PHF24: variants seen among roughly 807,000 people sequenced by gnomAD.
PHF24 encodes the protein Galpha inhibitory interacting protein.
PHF24 carries 25 observed loss-of-function variants against 42.6 expected under a neutral mutation model. The observed-to-expected ratio is 0.59, with a 90% CI of 0.43 to 0.82. PHF24 has a LOEUF of 0.82. PHF24 is among the 40% of genes least tolerant of loss of function. PHF24 has a pLI of 0.00. For synonymous variants in PHF24, 185 were observed against 204.8 expected, an observed-to-expected ratio of 0.90 and a Z score of 0.83; for missense variants, 470 against 538.1, an observed-to-expected ratio of 0.87 and a Z score of 1.25.
chr9:34,875,986 T>TCA, the PHF24 span, among the ~76,000 whole-genome samples: 1 of 138,976 alleles, frequency 7.2e-6, no homozygotes, highest in African/African-American at 2.7e-5. Context: ...TCTCTCTCTC[T>TCA]CACTCCTTCC....
the PHF24 span, among the ~76,000 whole-genome samples, chr9:34,884,628 A>G: frequency 6.6e-6 from 1 of 152,184 alleles, no homozygotes. Context: ...CCCAAGCCCC[A>G]CAGAGGAGAG....
the PHF24 span, among the ~76,000 whole-genome samples, chr9:34,845,868 C>A: frequency 6.6e-6 from 1 of 150,690 alleles, no homozygotes; most frequent in Admixed American, 6.6e-5. Flanking sequence ...TTTGTTCTTG[C>A]GATAGTTTAC....
At chr9:34,875,733 T>C in the PHF24 span, among the ~76,000 whole-genome samples, 1 of 152,152 alleles carries the variant, frequency 6.6e-6, no homozygotes, top group Non-Finnish European at 1.5e-5. Context: ...AGTTTTACAT[T>C]CTTCCACCAG....
the PHF24 span, among the ~76,000 whole-genome samples, chr9:34,818,141 AT>A: frequency 6.6e-6 from 1 of 152,182 alleles, no homozygotes; most frequent in Non-Finnish European, 1.5e-5. Flanking sequence ...TAGGGGCACT[AT>A]TTGTTCCTTT....
chr9:34,679,507 G>A, the PHF24 span, among the ~76,000 whole-genome samples: 1 of 152,234 alleles, frequency 6.6e-6, no homozygotes, highest in Non-Finnish European at 1.5e-5. Context: ...ACGAGGTCAG[G>A]AGATCGAGAC....
chr9:34,742,062 A>G, the PHF24 span, among the ~76,000 whole-genome samples: 1 of 152,212 alleles, frequency 6.6e-6, no homozygotes, highest in Admixed American at 6.5e-5. Flanking sequence ...TTCCTTTTCC[A>G]TTTAATTTGT....
At chr9:34,828,397 A>G in the PHF24 span, among the ~76,000 whole-genome samples, 2 of 152,078 alleles carry the variant, frequency 1.3e-5, no homozygotes, top group African/African-American at 4.8e-5. Flanking sequence ...TCTCAACTGA[A>G]TCTTTCCCGT....
chr9:34,885,100 C>A, the PHF24 span, among the ~76,000 whole-genome samples: 5 of 152,240 alleles, frequency 3.3e-5, no homozygotes, highest in African/African-American at 1.2e-4. Context: ...CCAACTCCCA[C>A]TAGGCAGGCA....
rs765057463 is a variant in PHF24, at chr9:34,977,618, G to A, written c.1083G>A (p.Leu361=). 3 of 1,603,732 alleles carry A rather than the reference G, an allele frequency of 1.9e-6. No individual in the cohort carries two copies. The South Asian group carries it at 3.4e-5, about 18-fold the overall frequency. The change falls in exon 7 of 8, where the codon CTG becomes CTA. Residue 361 remains leucine, a synonymous_variant. Transcript: ENST00000242315. ...GCAGCAAGAGTCAGGACAAGACCCT[G>A]CTGCCCACAGAGCAGGAGTCCAGGT... is the stretch of plus-strand genomic sequence containing the variant.
chr9:34,829,151 C>T, the PHF24 span, among the ~76,000 whole-genome samples: 39 of 151,862 alleles, frequency 2.6e-4, no homozygotes, highest in Non-Finnish European at 4.4e-4. Flanking sequence ...ACTGATGGAA[C>T]GGATGTGGAC....
chr9:34,878,543 G>A, the PHF24 span, among the ~76,000 whole-genome samples: 6 of 152,282 alleles, frequency 3.9e-5, no homozygotes, highest in East Asian at 3.9e-4. Context: ...AATGGTCTTC[G>A]CAAACGGCAC....
chr9:34,865,382 T>G, the PHF24 span, among the ~76,000 whole-genome samples: 1 of 151,212 alleles, frequency 6.6e-6, no homozygotes, highest in African/African-American at 2.4e-5. Context: ...TGGCCAACAT[T>G]GTGAAACCCT....
chr9:34,969,743 G>A (rs942009831), intron 1 of PHF24, among the ~76,000 whole-genome samples: 1 of 151,998 alleles, frequency 6.6e-6, no homozygotes, highest in African/African-American at 2.4e-5. Flanking sequence ...CTATTTCCAT[G>A]GTAACAGATA....
At chr9:34,827,242 A>G in the PHF24 span, among the ~76,000 whole-genome samples, 1 of 152,022 alleles carries the variant, frequency 6.6e-6, no homozygotes, top group Non-Finnish European at 1.5e-5. Context: ...GCTTCCCTCT[A>G]TTCTCCTAGC....
At chr9:34,888,498 A>G in the PHF24 span, among the ~76,000 whole-genome samples, 1 of 152,220 alleles carries the variant, frequency 6.6e-6, no homozygotes, top group Admixed American at 6.5e-5. Context: ...ATGAAAGGCA[A>G]TGGAGGTTGG....
chr9:34,846,758 T>C, the PHF24 span, among the ~76,000 whole-genome samples: 1 of 152,184 alleles, frequency 6.6e-6, no homozygotes, highest in African/African-American at 2.4e-5. Flanking sequence ...CTTTAATCCA[T>C]CTTGAATTAA....
chr9:34,904,629 T>C, the PHF24 span, among the ~76,000 whole-genome samples: 1 of 151,582 alleles, frequency 6.6e-6, no homozygotes, highest in Admixed American at 6.6e-5. Flanking sequence ...GGTTAGCTAG[T>C]ATTTTGTTAA....
the PHF24 span, among the ~76,000 whole-genome samples, chr9:34,876,704 A>G: frequency 1.3e-5 from 2 of 152,212 alleles, no homozygotes; most frequent in Non-Finnish European, 2.9e-5. Context: ...TGTAGGATGA[A>G]AAGAAATTGA....
chr9:34,777,426 G>T, the PHF24 span, among the ~76,000 whole-genome samples: 1 of 152,138 alleles, frequency 6.6e-6, no homozygotes, highest in African/African-American at 2.4e-5. Flanking sequence ...GTGGTGGATT[G>T]GGCTGGGAGA....
Sources: gnomAD v4.1 joint callset for allele counts (sites outside exome capture counted in the v4.1 genomes callset) on GRCh38, gnomAD v4.1.1 for gene constraint, MANE v1.5 for transcripts, NCBI Gene and HGNC (gene_info 2026-07-23, HGNC 2026-07-21) for gene names.